Variants in E2F3 observed in about 807,000 individuals in gnomAD.
E2F3 encodes E2F transcription factor 3.
In E2F3, 11 loss-of-function variants were observed where a neutral mutation model predicts 44.4. The ratio of observed to expected loss-of-function variants is 0.25; its 90% CI spans 0.16 to 0.41. The LOEUF is 0.41. Among genes scored for constraint, E2F3 ranks in the 10% least tolerant of loss-of-function variants. E2F3 has a pLI of 1.00. For synonymous variants in E2F3, 249 were observed against 253.0 expected (o/e 0.98, Z 0.15); for missense variants, 487 against 583.6 (o/e 0.83, Z 1.70).
At chr6:20,481,106 G>A in intron 2 of E2F3, 100 bp from the exon 3 acceptor site, 2 of 1,060,004 alleles carry the variant, frequency 1.9e-6, no homozygotes, top group South Asian at 1.5e-5. Flanking sequence ...TAATACTTTG[G>A]CTGCAGTGGG....
chr6:20,423,558 C>T (rs545234341), intron 1 of E2F3, among the ~76,000 whole-genome samples: 1 of 152,184 alleles, frequency 6.6e-6, no homozygotes, highest in East Asian at 1.9e-4. Context: ...GCAACCTCTG[C>T]CTCCTGGGTT....
intron 1 of E2F3, among the ~76,000 whole-genome samples, chr6:20,460,984 A>G (rs1462450942): frequency 7.7e-6 from 1 of 130,070 alleles, no homozygotes; most frequent in Admixed American, 8.0e-5. Context: ...AGACAGAGCA[A>G]GACTCTATCT....
intron 1 of E2F3, among the ~76,000 whole-genome samples, chr6:20,450,896 T>C (rs748573888): frequency 7.2e-5 from 11 of 152,152 alleles, no homozygotes; most frequent in Admixed American, 2.0e-4. Context: ...TCTTTACCCG[T>C]TGCTTAATTT....
chr6:20,444,477 A>G lies in E2F3; in HGVS notation c.394-35369A>G, dbSNP rs1255348586. Among the ~76,000 whole-genome samples, 5 of 152,236 alleles carry G rather than the reference A, an allele frequency of 3.3e-5. No individual in the cohort carries two copies. In the South Asian group the frequency reaches 8.3e-4, roughly 25 times the overall value. ...TGTCTACTTCTTAGTTCATTCCTAC[A>G]GAAAATAAGAACATCTAGTATCTAA... On this transcript the variant is annotated intron_variant, in intron 1 of 6. Coordinates refer to ENST00000346618, the MANE Select transcript of E2F3 (RefSeq NM_001949.5).
chr6:20,411,462 C>T (rs1759669516), intron 1 of E2F3, among the ~76,000 whole-genome samples: 1 of 152,176 alleles, frequency 6.6e-6, no homozygotes, highest in South Asian at 2.1e-4. Flanking sequence ...TTCGCCTTGC[C>T]CTCTGCCTGG....
At chr6:20,423,794 G>A (rs1760110419) in intron 1 of E2F3, among the ~76,000 whole-genome samples, 1 of 149,032 alleles carries the variant, frequency 6.7e-6, no homozygotes, top group African/African-American at 2.5e-5. Flanking sequence ...TTGAGACAGA[G>A]TTTCGCTCTT....
chr6:20,436,754 G>T (rs1369954209), intron 1 of E2F3, among the ~76,000 whole-genome samples: 1 of 152,160 alleles, frequency 6.6e-6, no homozygotes, highest in African/African-American at 2.4e-5. Flanking sequence ...TTCCAATAAG[G>T]TTCTAATATG....
At chr6:20,403,198 G>T (rs1344111849) in intron 1 of E2F3, among the ~76,000 whole-genome samples, 1 of 151,934 alleles carries the variant, frequency 6.6e-6, no homozygotes, top group Admixed American at 6.6e-5. Context: ...CAACAAAGGG[G>T]CTGGGGGAGG....
intron 1 of E2F3, among the ~76,000 whole-genome samples, chr6:20,422,602 G>C (rs186434014): frequency 1.1e-4 from 16 of 152,300 alleles, no homozygotes; most frequent in South Asian, 4.1e-4. Context: ...AGGGAGGGAT[G>C]TGTGATTCTT....
intron 4 of E2F3, among the ~76,000 whole-genome samples, chr6:20,484,805 C>G (rs976133353): frequency 2.0e-5 from 3 of 152,052 alleles, no homozygotes; most frequent in Non-Finnish European, 4.4e-5. Context: ...GAAGCTACTA[C>G]AGCCAGGCAC....
intron 1 of E2F3, among the ~76,000 whole-genome samples, chr6:20,442,249 G>A (rs1225765287): frequency 2.6e-5 from 4 of 152,178 alleles, no homozygotes; most frequent in African/African-American, 9.7e-5. Context: ...CCAACACAGC[G>A]AAGTATGCTC....
chr6:20,461,025 G>C (rs1242035127), intron 1 of E2F3, among the ~76,000 whole-genome samples: 1 of 99,898 alleles, frequency 1.0e-5, no homozygotes, highest in African/African-American at 4.0e-5. Context: ...AAAAAAAAAA[G>C]CCATGTATAT....
At chr6:20,460,738 G>A (rs1041322877) in intron 1 of E2F3, among the ~76,000 whole-genome samples, 5 of 152,046 alleles carry the variant, frequency 3.3e-5, no homozygotes, top group Non-Finnish European at 5.9e-5. Flanking sequence ...GCTCACGCCC[G>A]TAATCCCAGC....
At chr6:20,455,997 A>G (rs1178224039) in intron 1 of E2F3, among the ~76,000 whole-genome samples, 2 of 152,062 alleles carry the variant, frequency 1.3e-5, no homozygotes, top group South Asian at 2.1e-4. Context: ...GTATTCTTCC[A>G]TTTTTGCTTA....
At chr6:20,419,558 C>G (rs12664066) in intron 1 of E2F3, among the ~76,000 whole-genome samples, 2 of 110,002 alleles carry the variant, frequency 1.8e-5, no homozygotes, top group Non-Finnish European at 4.4e-5. Context: ...TATTTATTTA[C>G]TTACTTACTT....
chr6:20,453,770 T>G (rs1761220502), intron 1 of E2F3, among the ~76,000 whole-genome samples: 1 of 152,198 alleles, frequency 6.6e-6, no homozygotes, highest in Non-Finnish European at 1.5e-5. Flanking sequence ...AATGCCCACC[T>G]TTCCTCCCAC....
chr6:20,447,662 A>C (rs1760994496), intron 1 of E2F3, among the ~76,000 whole-genome samples: 1 of 152,090 alleles, frequency 6.6e-6, no homozygotes, highest in African/African-American at 2.4e-5. Context: ...CAAAATCAGG[A>C]GTCAAAAATC....
rs1008502425 is a variant in E2F3, at chr6:20,490,554, A to G, written c.*124A>G. The G allele has an allele frequency of 1.0e-6, 1 of 964,358 alleles. No homozygotes were observed. The highest frequency in any genetic ancestry group is 1.4e-6 in the Non-Finnish European group (1 of 691,556). 59.7% of individuals were successfully genotyped at this position (964,358 alleles called of 1,614,324 possible). ...AAGAGAGTATCATGAAGTAAACTAC[A>G]AACTTCAGAAGAAAGCTGACATTTT... On this transcript the variant is annotated 3_prime_UTR_variant, in exon 7 of 7. Transcript: ENST00000346618. The surrounding 1 kb of genome is among the most constrained non-coding windows in gnomAD (Gnocchi z 4.3).
At chr6:20,412,240 G>A (rs1759698017) in intron 1 of E2F3, among the ~76,000 whole-genome samples, 1 of 152,136 alleles carries the variant, frequency 6.6e-6, no homozygotes, top group South Asian at 2.1e-4. Context: ...AGATGGGGAG[G>A]CCACGGTTGT....
Sources: allele counts gnomAD v4.1 joint callset (sites outside exome capture counted in the v4.1 genomes callset), GRCh38; gene constraint gnomAD v4.1.1; non-coding constraint Gnocchi (gnomAD v3.1); transcripts MANE v1.5; gene names NCBI Gene and HGNC (gene_info 2026-07-23, HGNC 2026-07-21).